The following GALNTL6 variants were observed in gnomAD, a reference collection of about 807,000 sequenced individuals.
GALNTL6 encodes polypeptide N-acetylgalactosaminyltransferase-like 6.
Under a neutral mutation model 73.7 loss-of-function variants are expected in GALNTL6, and 46 were observed. The observed-to-expected ratio is 0.62, with a 90% CI of 0.49 to 0.80. GALNTL6 has a LOEUF of 0.80. Ranked by LOEUF, GALNTL6 falls within the 30% of genes least tolerant of loss-of-function variation. The pLI is 0.00. For synonymous variants in GALNTL6, 259 were observed against 263.7 expected (o/e 0.98, Z 0.17); for missense variants, 604 against 755.0 (o/e 0.80, Z 2.34).
intron 5 of GALNTL6, among the ~76,000 whole-genome samples, chr4:172,362,532 A>G (rs2111242032): frequency 6.6e-6 from 1 of 152,070 alleles, no homozygotes; most frequent in Admixed American, 6.6e-5. Flanking sequence ...TTTTTCTTAA[A>G]TATTGATGAT....
chr4:172,752,421 CT>C (rs1386910179), intron 5 of GALNTL6, among the ~76,000 whole-genome samples: 1 of 152,058 alleles, frequency 6.6e-6, no homozygotes, highest in Non-Finnish European at 1.5e-5. Context: ...CAATTTTGCA[CT>C]TCAAATTTAC....
chr4:171,872,299 G>A (rs972086564), intron 2 of GALNTL6, among the ~76,000 whole-genome samples: 2 of 152,054 alleles, frequency 1.3e-5, no homozygotes, highest in African/African-American at 4.8e-5. Flanking sequence ...TCACTTAAAT[G>A]TATTGCCTTA....
intron 2 of GALNTL6, among the ~76,000 whole-genome samples, chr4:171,924,592 C>G (rs1737916614): frequency 6.6e-6 from 1 of 152,112 alleles, no homozygotes; most frequent in African/African-American, 2.4e-5. Flanking sequence ...ACTCTGAGTT[C>G]TGGAAAAGCA....
At chr4:172,115,244 T>C (rs1052957267) in intron 2 of GALNTL6, among the ~76,000 whole-genome samples, 15 of 152,098 alleles carry the variant, frequency 9.9e-5, no homozygotes, top group African/African-American at 3.6e-4. Flanking sequence ...TAGTTCTCTT[T>C]CTAAGTGTAA....
intron 5 of GALNTL6, among the ~76,000 whole-genome samples, chr4:172,369,744 G>C (rs1742717427): frequency 6.6e-6 from 1 of 152,180 alleles, no homozygotes; most frequent in Admixed American, 6.5e-5. Flanking sequence ...GGGGCCGGTG[G>C]TACAGGCTGG....
intron 5 of GALNTL6, among the ~76,000 whole-genome samples, chr4:172,426,288 C>G (rs1195302715): frequency 6.6e-6 from 1 of 151,954 alleles, no homozygotes; most frequent in African/African-American, 2.4e-5. Context: ...GATAACACCA[C>G]AATTAATTGT....
chr4:172,664,784 C>T (rs906255363), intron 5 of GALNTL6, among the ~76,000 whole-genome samples: 2 of 152,170 alleles, frequency 1.3e-5, no homozygotes, highest in Non-Finnish European at 2.9e-5. Flanking sequence ...TCGTTATTGT[C>T]TTATTAGCAC....
At chr4:172,886,504 G>A (rs769624683) in intron 8 of GALNTL6, among the ~76,000 whole-genome samples, 7 of 152,110 alleles carry the variant, frequency 4.6e-5, no homozygotes, top group East Asian at 3.9e-4. Context: ...GGTGGCTCAC[G>A]ACTATAATCC....
At chr4:172,615,758 G>A (rs1738703809) in intron 5 of GALNTL6, among the ~76,000 whole-genome samples, 1 of 151,990 alleles carries the variant, frequency 6.6e-6, no homozygotes, top group African/African-American at 2.4e-5. Context: ...AATCTAAATT[G>A]CAAAGCTATT....
intron 3 of GALNTL6, among the ~76,000 whole-genome samples, chr4:172,264,244 CA>C (rs1425093855): frequency 6.6e-6 from 1 of 151,154 alleles, no homozygotes; most frequent in Non-Finnish European, 1.5e-5. Flanking sequence ...CAGAAATGTT[CA>C]CTCTATATGG....
intron 5 of GALNTL6, among the ~76,000 whole-genome samples, chr4:172,351,901 C>A (rs549390736): frequency 5.5e-4 from 84 of 152,186 alleles, no homozygotes; most frequent in African/African-American, 2.0e-3. Flanking sequence ...GATCCTTTGG[C>A]CAAAAGCACT....
chr4:172,530,237 G>A (rs1050565521), intron 5 of GALNTL6, among the ~76,000 whole-genome samples: 1 of 151,962 alleles, frequency 6.6e-6, no homozygotes, highest in African/African-American at 2.4e-5. Context: ...ATACCTAGTC[G>A]ATAATTTGTC....
rs34783084 is a variant in GALNTL6 at position 172,219,199 on chromosome 4, G to GTATATATATATA, written c.139-10444_139-10433dup. Among the ~76,000 whole-genome samples the GTATATATATATA allele has an allele frequency of 7.4e-3, 855 of 116,154 alleles. 16 individuals carry two copies. Among genetic ancestry groups the GTATATATATATA allele is most frequent in the Middle Eastern group, 0.042 (5 of 118 alleles). The allele number at this position is 116,154 out of a possible 152,430, so 76.2% of individuals were successfully genotyped here. A position where few individuals can be genotyped will look rare whatever the true frequency, so the allele number is the denominator to read the frequency against. On this transcript the variant is annotated intron_variant, in intron 2 of 12. Transcript: ENST00000506823. ...ATATAATATGTCAGATTAAGCAAGT[G>GTATATATATATA]TATATATATATATATATATATATAA...
intron 9 of GALNTL6, among the ~76,000 whole-genome samples, chr4:172,941,556 G>A (rs958096080): frequency 1.3e-5 from 2 of 152,256 alleles, no homozygotes; most frequent in South Asian, 4.1e-4. Context: ...ACTACATGGT[G>A]AGACCAGTTT....
At chr4:172,440,738 C>G (rs1227464018) in intron 5 of GALNTL6, among the ~76,000 whole-genome samples, 3 of 151,708 alleles carry the variant, frequency 2.0e-5, no homozygotes, top group Non-Finnish European at 4.4e-5. Context: ...TGAGAAATCT[C>G]TGTACCTTCC....
intron 5 of GALNTL6, among the ~76,000 whole-genome samples, chr4:172,694,937 G>A (rs553503612): frequency 1.4e-4 from 21 of 152,218 alleles, no homozygotes; most frequent in Middle Eastern, 3.4e-3. Flanking sequence ...ATTGCTTTTG[G>A]AAATACTATG....
chr4:172,901,683 C>T (rs545760603), intron 8 of GALNTL6, among the ~76,000 whole-genome samples: 31 of 152,226 alleles, frequency 2.0e-4, no homozygotes, highest in African/African-American at 7.5e-4. Context: ...AAAAAAATTC[C>T]AGAAAATTGC....
intron 2 of GALNTL6, among the ~76,000 whole-genome samples, chr4:172,225,076 T>C (rs1736807217): frequency 6.6e-6 from 1 of 152,084 alleles, no homozygotes; most frequent in African/African-American, 2.4e-5. Context: ...GTCTGAAATA[T>C]ATGCCTCAAG....
At chr4:172,332,631 G>C (rs1421035471) in intron 4 of GALNTL6, among the ~76,000 whole-genome samples, 3 of 151,604 alleles carry the variant, frequency 2.0e-5, no homozygotes, top group African/African-American at 7.3e-5. Context: ...CAAATGACAT[G>C]ATTTTATTTT....
Sources: gnomAD v4.1 joint callset for allele counts (sites outside exome capture counted in the v4.1 genomes callset) on GRCh38, gnomAD v4.1.1 for gene constraint, MANE v1.5 for transcripts, NCBI Gene and HGNC (gene_info 2026-07-23, HGNC 2026-07-21) for gene names.